The following EPHA8 variants were observed in gnomAD, a reference collection of about 807,000 sequenced individuals.
EPHA8 encodes the protein EPH receptor A8, also known as ephrin type-A receptor 8.
A neutral mutation model predicts 103.6 loss-of-function variants in EPHA8; 58 were observed. The ratio of observed to expected loss-of-function variants is 0.56; its 90% CI spans 0.45 to 0.70. EPHA8 has a LOEUF of 0.70. Ranked by LOEUF, EPHA8 falls within the 30% of genes least tolerant of loss-of-function variation. The pLI, the probability that EPHA8 is intolerant of heterozygous loss-of-function variation, is 0.00. For missense variants in EPHA8, 1,304 were observed against 1,395.2 expected, an observed-to-expected ratio of 0.93 and a Z score of 1.04; for synonymous variants, 559 against 572.5, an observed-to-expected ratio of 0.98 and a Z score of 0.34.
chr1:22,564,781 G>A (rs1292222886), intron 1 of EPHA8, among the ~76,000 whole-genome samples: 1 of 152,056 alleles, frequency 6.6e-6, no homozygotes, highest in Non-Finnish European at 1.5e-5. Flanking sequence ...TCTGCCCCAA[G>A]GAAGCCAGAG....
At chr1:22,578,329 CATGAGTGTATGCATGTGTGT>C (rs1053879235) in intron 3 of EPHA8, among the ~76,000 whole-genome samples, 2 of 144,100 alleles carry the variant, frequency 1.4e-5, no homozygotes, top group African/African-American at 5.2e-5. Flanking sequence ...TGCATGTGTG[CATGAGTGTATGCATGTGTGT>C]ATGTGTGCGT....
At position 22,597,843 on chromosome 1, in the gene EPHA8, G is replaced by A. The variant is rs766433025; in HGVS notation, c.2098G>A (p.Glu700Lys). The A allele has an allele frequency of 3.4e-5, 54 of 1,610,560 alleles. No homozygotes were observed. Among genetic ancestry groups the A allele is most frequent in the South Asian group, 3.3e-4 (30 of 90,728 alleles). Residue 700 changes from glutamate (E) to lysine (K), a missense_variant, in exon 11 of 17, where the codon GAG becomes AAG. Coordinates refer to ENST00000166244, the MANE Select transcript of EPHA8 (RefSeq NM_020526.5). The surrounding 1 kb of genome is among the most constrained non-coding windows in gnomAD (Gnocchi z 4.6). ...CGACCATCCCAACATCATCCGCCTC[G>A]AGGGTGTCGTCACCCGTGGTAGGTG... Reference protein sequence around the residue: ...QFDHPNIIRLEGVVTRGRLAM... With the variant: ...QFDHPNIIRLKGVVTRGRLAM...
At chr1:22,583,862 G>C (rs910254333) in intron 3 of EPHA8, among the ~76,000 whole-genome samples, 12 of 152,206 alleles carry the variant, frequency 7.9e-5, no homozygotes. Flanking sequence ...AGACTTGCAG[G>C]GCCAGCCGTG....
intron 4 of EPHA8, among the ~76,000 whole-genome samples, chr1:22,587,430 C>T (rs1010811715): frequency 3.3e-5 from 5 of 152,186 alleles, no homozygotes; most frequent in Non-Finnish European, 7.4e-5. Flanking sequence ...TGCAAGGGTG[C>T]ATGTGCCTGG....
At chr1:22,595,742 G>A (rs1038644818) in intron 8 of EPHA8, among the ~76,000 whole-genome samples, 5 of 152,226 alleles carry the variant, frequency 3.3e-5, no homozygotes, top group African/African-American at 1.2e-4. Context: ...ACCCAGGGAA[G>A]AGAAGGGGCT....
Position 22,569,740 on chromosome 1 carries a change from C to G in EPHA8, c.159+387C>G, listed in dbSNP as rs368149361. Among the ~76,000 whole-genome samples, 5 of 152,202 alleles carry G rather than the reference C, an allele frequency of 3.3e-5. No individual in the cohort carries two copies. In the East Asian group the frequency reaches 9.7e-4, roughly 30 times the overall value. ...ACCAGTCCTCCGACCTCTGGAGTCT[C>G]TGCTTGTCTGTCTCCCCAATGTGGC... On this transcript the variant is annotated intron_variant, in intron 2 of 16. Transcript: ENST00000166244. The surrounding 1 kb of genome is among the most constrained non-coding windows in gnomAD (Gnocchi z 4.5).
Position 22,597,598 on chromosome 1 carries a change from T to C in EPHA8, c.1931-78T>C. ...CCAGGGGTCTGGCAAGCCCAGGGGG[T>C]CCAAGGGCCTGGGAGGCTGGGGGAG... On this transcript the variant is annotated intron_variant, in intron 10 of 16. Transcript: ENST00000166244. This position sits in a 1 kb window ranked among gnomAD's most constrained non-coding sequence, Gnocchi z 4.6. 6.5e-7 allele frequency: 1 copy of C among 1,548,626 alleles called. No homozygotes were observed. The highest frequency in any genetic ancestry group is 8.7e-7 in the Non-Finnish European group (1 of 1,145,770).
chr1:22,567,086 C>T lies in EPHA8; in HGVS notation c.95-2203C>T, dbSNP rs574868331. On this transcript the variant is annotated intron_variant, in intron 1 of 16. Transcript: ENST00000166244. The surrounding 1 kb of genome is among the most constrained non-coding windows in gnomAD (Gnocchi z 4.2). ...CCCCAGGAGGGCAGGGCCTGGAGAG[C>T]GGTGTCTGCAGGCCCTGAAGCCTGC... is the stretch of plus-strand genomic sequence containing the variant. 4.6e-5 allele frequency among the ~76,000 whole-genome samples: 7 copies of T among 152,260 alleles called. No homozygotes were observed. Among genetic ancestry groups the T allele is most frequent in the East Asian group, 1.9e-4 (1 of 5,156 alleles).
At chr1:22,571,041 C>T (rs1038993899) in intron 2 of EPHA8, among the ~76,000 whole-genome samples, 9 of 152,160 alleles carry the variant, frequency 5.9e-5, no homozygotes, top group African/African-American at 1.4e-4. Flanking sequence ...TAGGAGGGCA[C>T]GCCTGGGCCC....
intron 5 of EPHA8, among the ~76,000 whole-genome samples, chr1:22,592,876 G>A (rs1641410890): frequency 6.6e-6 from 1 of 152,120 alleles, no homozygotes; most frequent in African/African-American, 2.4e-5. Flanking sequence ...AGTGTGACTG[G>A]GAGAATACTT....
chr1:22,566,978 G>A (rs116423698), intron 1 of EPHA8, among the ~76,000 whole-genome samples: 5 of 152,196 alleles, frequency 3.3e-5, no homozygotes, highest in African/African-American at 1.2e-4. Context: ...GAGTCCGATA[G>A]AATTGACTTT....
intron 4 of EPHA8, among the ~76,000 whole-genome samples, chr1:22,587,951 G>A (rs1280828799): frequency 6.6e-6 from 1 of 152,202 alleles, no homozygotes; most frequent in Non-Finnish European, 1.5e-5. Context: ...CAGGCAAGTC[G>A]AGTCTGGCCC....
intron 2 of EPHA8, among the ~76,000 whole-genome samples, chr1:22,574,642 A>G (rs1640633847): frequency 6.6e-6 from 1 of 152,178 alleles, no homozygotes; most frequent in Non-Finnish European, 1.5e-5. Context: ...TTTAAGGCTA[A>G]TACTCCGTTG....
chr1:22,598,091 C>T lies in EPHA8; in HGVS notation c.2117-60C>T. ...TGAGATGGTGGTATGCTCCTGGGGT[C>T]TCTGATCAGCAGCCCTGAGCCCCAA... On this transcript the variant is annotated intron_variant, in intron 11 of 16. Transcript: ENST00000166244. The surrounding 1 kb of genome is among the most constrained non-coding windows in gnomAD (Gnocchi z 5.1). The T allele has an allele frequency of 1.3e-6, 2 of 1,568,574 alleles. No individual in the cohort carries two copies. Among genetic ancestry groups the T allele is most frequent in the Non-Finnish European group, 8.8e-7 (1 of 1,139,822 alleles).
At chr1:22,582,598 AGAAGT>A (rs1161323335) in intron 3 of EPHA8, among the ~76,000 whole-genome samples, 3 of 152,196 alleles carry the variant, frequency 2.0e-5, no homozygotes, top group African/African-American at 7.2e-5. Context: ...GGAGGCCCAG[AGAAGT>A]GAAGTGACTA....
chr1:22,591,687 ACT>A (rs1276612484), intron 5 of EPHA8, among the ~76,000 whole-genome samples: 1 of 151,368 alleles, frequency 6.6e-6, no homozygotes, highest in East Asian at 1.9e-4. Context: ...TCCCTGGCTC[ACT>A]CTCTTCTGGC....
intron 4 of EPHA8, among the ~76,000 whole-genome samples, chr1:22,586,862 G>A (rs1004281727): frequency 1.3e-5 from 2 of 152,192 alleles, no homozygotes; most frequent in South Asian, 2.1e-4. Context: ...CTACACTGGA[G>A]GGCAGAATGG....
At chr1:22,587,168 C>T (rs1191270236) in intron 4 of EPHA8, among the ~76,000 whole-genome samples, 3 of 152,182 alleles carry the variant, frequency 2.0e-5, no homozygotes, top group East Asian at 1.9e-4. Context: ...TGTGTGTTAG[C>T]GTGTGTCTGT....
intron 2 of EPHA8, among the ~76,000 whole-genome samples, chr1:22,575,226 C>T (rs1640650661): frequency 6.6e-6 from 1 of 151,666 alleles, no homozygotes; most frequent in East Asian, 1.9e-4. Flanking sequence ...GCTGGGATTA[C>T]AGGCGTGAGC....
Sources: allele counts gnomAD v4.1 joint callset (sites outside exome capture counted in the v4.1 genomes callset), GRCh38; gene constraint gnomAD v4.1.1; non-coding constraint Gnocchi (gnomAD v3.1); transcripts MANE v1.5; gene names NCBI Gene and HGNC (gene_info 2026-07-23, HGNC 2026-07-21).